SFSWAP: variants seen among roughly 807,000 people sequenced by gnomAD.
The protein encoded by SFSWAP is splicing factor, suppressor of white-apricot homolog.
Under a neutral mutation model 100.7 loss-of-function variants are expected in SFSWAP, and 17 were observed. That is an observed-to-expected ratio of 0.17 (90% CI 0.12 to 0.25). The LOEUF is 0.25. SFSWAP is among the 10% of genes least tolerant of loss of function. The pLI, the probability that SFSWAP is intolerant of heterozygous loss-of-function variation, is 1.00. For synonymous variants in SFSWAP, 504 were observed against 510.1 expected (o/e 0.99, Z 0.16); for missense variants, 1,005 against 1,262.6 (o/e 0.80, Z 3.09).
rs147778551 is a variant in SFSWAP, at chr12:131,794,986, C to T, written c.2535-2192C>T. Reference sequence around the variant, plus strand: ...GGAGTAAGTCATTTTGGACACATGTCACATGCTGGTATATGTTTTATTTAT... The same window carrying T: ...GGAGTAAGTCATTTTGGACACATGTTACATGCTGGTATATGTTTTATTTAT... On this transcript the variant is annotated intron_variant, in intron 15 of 17. Transcript: ENST00000261674. This position sits in a 1 kb window ranked among gnomAD's most constrained non-coding sequence, Gnocchi z 4.8. Among the ~76,000 whole-genome samples, 1 of 152,340 alleles carries T rather than the reference C, an allele frequency of 6.6e-6. No homozygotes were observed. The highest frequency in any genetic ancestry group is 2.4e-5 in the African/African-American group (1 of 41,570).
chr12:131,764,898 G>A (rs566202169), intron 12 of SFSWAP, among the ~76,000 whole-genome samples: 57 of 152,350 alleles, frequency 3.7e-4, no homozygotes, highest in Non-Finnish European at 5.7e-4. Flanking sequence ...ATGCAGTGCC[G>A]CTGGCAGTTT....
In SFSWAP at chr12:131,725,559, A is replaced by G. The variant is rs373309677; in HGVS notation, c.761A>G (p.Lys254Arg). 6.2e-6 allele frequency: 10 copies of G among 1,614,012 alleles called. No individual in the cohort carries two copies. The African/African-American group carries it at 1.2e-4, about 19-fold the overall frequency. Reference protein sequence around the residue: ...RFDHYLNPYYKFIQKAMKEGR... With the variant: ...RFDHYLNPYYRFIQKAMKEGR... ...GACCACTACCTCAACCCCTACTATAAGTTCATCCAGAAAGCCATGAAAGAG... is the reference window on the plus strand; with the variant it reads ...GACCACTACCTCAACCCCTACTATAGGTTCATCCAGAAAGCCATGAAAGAG... The change falls in exon 5 of 18, where the codon AAG becomes AGG. Residue 254 changes from lysine to arginine, a missense_variant. By Grantham distance (26) the Lys-to-Arg change is conservative. Transcript: ENST00000261674. This position sits in a 1 kb window ranked among gnomAD's most constrained non-coding sequence, Gnocchi z 4.3.
At chr12:131,736,341 G>C (rs981427631) in intron 7 of SFSWAP, among the ~76,000 whole-genome samples, 28 of 152,178 alleles carry the variant, frequency 1.8e-4, no homozygotes, top group African/African-American at 6.7e-4. Context: ...AAGTAAGGAT[G>C]CTTCAGCAGA....
chr12:131,795,344 C>CA (rs1885551508), intron 15 of SFSWAP, among the ~76,000 whole-genome samples: 1 of 152,226 alleles, frequency 6.6e-6, no homozygotes, highest in African/African-American at 2.4e-5. Context: ...GGCACCAACA[C>CA]AGTCTGCTCA....
At chr12:131,752,954 A>G (rs112482128) in intron 7 of SFSWAP, among the ~76,000 whole-genome samples, 169 bp from the exon 8 acceptor site, 15 of 152,248 alleles carry the variant, frequency 9.9e-5, no homozygotes, top group African/African-American at 3.4e-4. Flanking sequence ...TAAATTGCAT[A>G]TTGTGCAGAC....
chr12:131,760,061 A>G (rs932131760), intron 11 of SFSWAP, among the ~76,000 whole-genome samples: 1 of 152,188 alleles, frequency 6.6e-6, no homozygotes, highest in African/African-American at 2.4e-5. Context: ...ATATTTGACA[A>G]CCATAATTCC....
chr12:131,772,182 A>G (rs551664724), intron 13 of SFSWAP, among the ~76,000 whole-genome samples: 5 of 152,324 alleles, frequency 3.3e-5, no homozygotes, highest in African/African-American at 4.8e-5. Flanking sequence ...TATCGATGCA[A>G]CGCATTCACT....
At chr12:131,754,687 G>A (rs1359312840) in intron 9 of SFSWAP, among the ~76,000 whole-genome samples, 188 bp downstream of exon 9, 1 of 129,864 alleles carries the variant, frequency 7.7e-6, no homozygotes, top group Non-Finnish European at 1.5e-5. Flanking sequence ...AGGCTGGAGT[G>A]CAGTGGCGCG....
intron 8 of SFSWAP, chr12:131,753,638 C>T (rs559142160): frequency 5.0e-5 from 26 of 516,502 alleles, no homozygotes; most frequent in Admixed American, 1.3e-4. Flanking sequence ...TCTGTTCTTG[C>T]GCTTTGTGTC....
In SFSWAP at chr12:131,799,073, A is replaced by T; in HGVS notation, c.2754A>T (p.Ser918=). 6.2e-7 allele frequency: 1 copy of T among 1,614,094 alleles called. No homozygotes were observed. Among genetic ancestry groups the T allele is most frequent in the Non-Finnish European group, 8.5e-7 (1 of 1,179,970 alleles). The change falls in exon 17 of 18, where the codon TCA becomes TCT. Residue 918 remains serine (S), a synonymous_variant. Transcript: ENST00000261674. The part of the protein sequence containing the change: ...VSQEKEAQIS[S]AIVSSVQSKI... Reference sequence around the variant, plus strand: ...AGGAAAAAGAAGCCCAGATCTCTTCAGCAATCGTTTCTTCCGTGCAGAGCA... The same window carrying T: ...AGGAAAAAGAAGCCCAGATCTCTTCTGCAATCGTTTCTTCCGTGCAGAGCA...
intron 5 of SFSWAP, 57 bp from the exon 6 acceptor site, chr12:131,726,883 A>G: frequency 2.8e-6 from 3 of 1,072,580 alleles, no homozygotes; most frequent in East Asian, 2.4e-5. Context: ...TGCATAATTA[A>G]TTTGTACTTT....
chr12:131,753,452 A>C (rs1481359706), intron 8 of SFSWAP, 89 bp downstream of exon 8: 6 of 1,473,854 alleles, frequency 4.1e-6, no homozygotes, highest in Non-Finnish European at 5.4e-6. Flanking sequence ...GGGGCTTGTA[A>C]TCTAGATCAT....
At chr12:131,769,076 A>G (rs1205599769) in intron 13 of SFSWAP, among the ~76,000 whole-genome samples, 1 of 152,050 alleles carries the variant, frequency 6.6e-6, no homozygotes, top group African/African-American at 2.4e-5. Flanking sequence ...GCAGTGAGCC[A>G]AGACTGCACC....
chr12:131,780,706 A>T (rs1356092257), intron 14 of SFSWAP, among the ~76,000 whole-genome samples: 1 of 152,194 alleles, frequency 6.6e-6, no homozygotes, highest in Non-Finnish European at 1.5e-5. Context: ...TCCCACTTGA[A>T]TATGTTTCTT....
At chr12:131,755,513 C>A (rs778369969) in intron 10 of SFSWAP, 34 bp downstream of exon 10, 3 of 1,486,328 alleles carry the variant, frequency 2.0e-6, no homozygotes. Context: ...CTGTGAAGCT[C>A]TTAGAGGTGG....
chr12:131,712,953 A>G (rs1211802059), intron 1 of SFSWAP: 1 of 152,228 alleles, frequency 6.6e-6, no homozygotes, highest in Non-Finnish European at 1.5e-5. Context: ...TAATATTTTT[A>G]ATAATAATCT....
intron 15 of SFSWAP, among the ~76,000 whole-genome samples, chr12:131,791,320 C>T (rs1020379594): frequency 2.6e-5 from 4 of 151,840 alleles, no homozygotes; most frequent in African/African-American, 9.7e-5. Flanking sequence ...ACCTGGGAGG[C>T]GGAGGCTGCA....
intron 6 of SFSWAP, among the ~76,000 whole-genome samples, chr12:131,727,836 A>G (rs1310284684): frequency 2.0e-5 from 3 of 152,218 alleles, no homozygotes; most frequent in African/African-American, 7.2e-5. Context: ...CCACTCTGCC[A>G]TTCGCGACAT....
chr12:131,752,072 G>A (rs1390365176), intron 7 of SFSWAP, among the ~76,000 whole-genome samples: 2 of 152,180 alleles, frequency 1.3e-5, no homozygotes, highest in Non-Finnish European at 2.9e-5. Flanking sequence ...GAATTATGCT[G>A]CCTCGCCAAT....
Sources: gnomAD v4.1 joint callset for allele counts (sites outside exome capture counted in the v4.1 genomes callset) on GRCh38, gnomAD v4.1.1 for gene constraint, Gnocchi (gnomAD v3.1) non-coding constraint, MANE v1.5 for transcripts, NCBI Gene and HGNC (gene_info 2026-07-23, HGNC 2026-07-21) for gene names.